The following NEK1 variants were observed in gnomAD, a reference collection of about 807,000 sequenced individuals.
The protein encoded by NEK1 is serine/threonine-protein kinase Nek1.
In NEK1, 137 loss-of-function variants were observed where a neutral mutation model predicts 182.1. The observed-to-expected ratio is 0.75, with a 90% CI of 0.65 to 0.87. NEK1 has a LOEUF of 0.87. Ranked by LOEUF, NEK1 falls within the 40% of genes least tolerant of loss-of-function variation. NEK1 has a pLI of 0.00. For missense variants in NEK1, 1,391 were observed against 1,494.4 expected (o/e 0.93, Z 1.14); for synonymous variants, 513 against 492.2 (o/e 1.04, Z -0.56).
At position 169,576,990 on chromosome 4, in the gene NEK1, C is replaced by A; in HGVS notation, c.958G>T (p.Ala320Ser). Residue 320 changes from alanine (A) to serine (S), a missense_variant, in exon 12 of 36, where the codon GCA becomes TCA. This residue lies in a region of NEK1 where 1,216 missense variants were observed against 1,277.6 expected (regional missense o/e 0.95). Transcript: ENST00000507142. ...TTTTTATCTCCATATTTCTTATATG[C>A]TAAAGGTATTCCATATTTAGCGGCA... is the stretch of plus-strand genomic sequence containing the variant. ...KPAAKYGIPL[A>S]YKKYGDKKLH... 1 of 1,613,012 alleles carries A rather than the reference C, an allele frequency of 6.2e-7. No individual in the cohort carries two copies. Among genetic ancestry groups the A allele is most frequent in the Non-Finnish European group, 8.5e-7 (1 of 1,179,328 alleles).
intron 28 of NEK1, among the ~76,000 whole-genome samples, 200 bp downstream of exon 28, chr4:169,437,883 G>T (rs1738718553): frequency 6.6e-6 from 1 of 151,950 alleles, no homozygotes; most frequent in Non-Finnish European, 1.5e-5. Flanking sequence ...TGAAACGGTT[G>T]GTGTTTCAAC....
intron 32 of NEK1, 104 bp downstream of exon 32, chr4:169,406,492 G>T (rs1428990014): frequency 4.1e-6 from 3 of 723,686 alleles, no homozygotes; most frequent in Non-Finnish European, 6.4e-6. Context: ...CATAAAAGCA[G>T]AGGTTAATGA....
intron 23 of NEK1, among the ~76,000 whole-genome samples, chr4:169,488,411 C>T (rs1369374137): frequency 6.6e-6 from 1 of 152,162 alleles, no homozygotes; most frequent in Non-Finnish European, 1.5e-5. Flanking sequence ...GTTCTCCCAG[C>T]ACCATTTATT....
In NEK1 at chr4:169,508,327, TA is replaced by T. The variant is rs1561318897; in HGVS notation, c.1753del (p.Tyr585IlefsTer5). 1 of 1,570,300 alleles carries T rather than the reference TA, an allele frequency of 6.4e-7. No homozygotes were observed. Among genetic ancestry groups the T allele is most frequent in the Admixed American group, 1.9e-5 (1 of 52,456 alleles). On this transcript the variant is annotated frameshift_variant, in exon 21 of 36. Coordinates refer to ENST00000507142, the MANE Select transcript of NEK1 (RefSeq NM_001199397.3). LOFTEE classifies it high-confidence loss of function. ...GKPRNKEEEV[Y>X]LARLRQIRLQ... ...TCTTATTTGCCTCAGTCTTGCCAGA[TA>T]AACCTACAAGGAGGCAAAAACCCCA... is the stretch of plus-strand genomic sequence containing the variant.
chr4:169,449,892 G>C (rs1170455954), intron 27 of NEK1, among the ~76,000 whole-genome samples: 1 of 152,186 alleles, frequency 6.6e-6, no homozygotes, highest in Non-Finnish European at 1.5e-5. Context: ...AGCTGAAGGA[G>C]GATGTTTGAA....
chr4:169,550,874 A>G (rs939148306), intron 18 of NEK1, among the ~76,000 whole-genome samples: 1 of 152,200 alleles, frequency 6.6e-6, no homozygotes, highest in Non-Finnish European at 1.5e-5. Flanking sequence ...GAATGACCCC[A>G]GGTTCATGAA....
rs1762002303 is a variant in NEK1 at position 169,555,259 on chromosome 4, A to G, written c.1562+461T>C. 1.7e-5 allele frequency: 3 copies of G among 176,708 alleles called. No individual in the cohort carries two copies. In the East Asian group the frequency reaches 4.9e-4, roughly 29 times the overall value. 10.9% of individuals were successfully genotyped at this position (176,708 alleles called of 1,614,324 possible). A position where few individuals can be genotyped will look rare whatever the true frequency, so the allele number is the denominator to read the frequency against. On this transcript the variant is annotated intron_variant, in intron 18 of 35. Transcript: ENST00000507142. ...GAAAAGAAATAATATGATGAACAGG[A>G]TCACAAAGAGTTATAAATCAGAGAT...
chr4:169,580,624 C>T (rs999865520), intron 11 of NEK1, among the ~76,000 whole-genome samples: 1 of 151,314 alleles, frequency 6.6e-6, no homozygotes. Context: ...AGATTTCAAG[C>T]CAGATTTCAT....
intron 18 of NEK1, among the ~76,000 whole-genome samples, chr4:169,550,740 C>A (rs768426827): frequency 4.6e-5 from 7 of 152,128 alleles, no homozygotes; most frequent in Admixed American, 6.6e-5. Context: ...GAATTCATGG[C>A]CAATAGTGGC....
At chr4:169,575,917 A>T (rs1362367963) in intron 12 of NEK1, among the ~76,000 whole-genome samples, 1 of 151,912 alleles carries the variant, frequency 6.6e-6, no homozygotes, top group African/African-American at 2.4e-5. Flanking sequence ...TTTAAAAAAA[A>T]AATTTTTTTA....
At chr4:169,599,069 G>A in intron 5 of NEK1, 31 bp downstream of exon 5, 1 of 1,530,708 alleles carries the variant, frequency 6.5e-7, no homozygotes, top group Non-Finnish European at 9.0e-7. Context: ...CAATAATAGA[G>A]TAAGAGTCAA....
At chr4:169,441,630 C>T (rs1407767417) in intron 27 of NEK1, among the ~76,000 whole-genome samples, 2 of 152,246 alleles carry the variant, frequency 1.3e-5, no homozygotes, top group East Asian at 3.8e-4. Flanking sequence ...TGCCCTGCTA[C>T]TGCCTTGGCA....
chr4:169,576,057 C>T (rs952815768), intron 12 of NEK1, among the ~76,000 whole-genome samples: 4 of 151,906 alleles, frequency 2.6e-5, no homozygotes, highest in African/African-American at 9.7e-5. Context: ...CTCCGCCTCC[C>T]CGGTTCAAGT....
chr4:169,503,307 A>C (rs1752708708), intron 23 of NEK1, among the ~76,000 whole-genome samples: 1 of 152,176 alleles, frequency 6.6e-6, no homozygotes, highest in Non-Finnish European at 1.5e-5. Context: ...TGCCTGAAGT[A>C]ATCTACAGAA....
intron 29 of NEK1, among the ~76,000 whole-genome samples, chr4:169,430,757 G>T (rs975433001): frequency 3.9e-5 from 6 of 151,920 alleles, no homozygotes; most frequent in Non-Finnish European, 8.8e-5. Flanking sequence ...TAAGTTAATA[G>T]TAATGTGTCA....
chr4:169,456,909 T>C (rs1440433188), intron 27 of NEK1, among the ~76,000 whole-genome samples: 1 of 152,154 alleles, frequency 6.6e-6, no homozygotes, highest in African/African-American at 2.4e-5. Flanking sequence ...GTCAGTTTCA[T>C]GTATGGAACT....
rs181692407 is a variant in NEK1, at chr4:169,462,778, T to C, written c.2587+465A>G. On this transcript the variant is annotated intron_variant, in intron 27 of 35. Coordinates refer to ENST00000507142, the MANE Select transcript of NEK1 (RefSeq NM_001199397.3). ...ATACATAGCCACTCTTCTTGATGCA[T>C]AGCTGTAATACCAAAGGCCACAAAA... Among the ~76,000 whole-genome samples, 17 of 152,264 alleles carry C rather than the reference T, an allele frequency of 1.1e-4. No homozygotes were observed. The East Asian group carries it at 3.3e-3, about 29-fold the overall frequency.
At chr4:169,430,633 G>C (rs954705850) in intron 29 of NEK1, among the ~76,000 whole-genome samples, 16 of 152,194 alleles carry the variant, frequency 1.1e-4, no homozygotes, top group African/African-American at 3.4e-4. Context: ...GTGAAGCACA[G>C]AGGATTGTAC....
At chr4:169,500,779 TAAAAG>T (rs1052130554) in intron 23 of NEK1, among the ~76,000 whole-genome samples, 32 of 151,990 alleles carry the variant, frequency 2.1e-4, no homozygotes, top group African/African-American at 7.5e-4. Flanking sequence ...AACATGAAAA[TAAAAG>T]AATGATACTT....
Sources: allele counts gnomAD v4.1 joint callset (sites outside exome capture counted in the v4.1 genomes callset), GRCh38; gene constraint gnomAD v4.1.1; regional missense constraint gnomAD v4.1.1; transcripts MANE v1.5; gene names NCBI Gene and HGNC (gene_info 2026-07-23, HGNC 2026-07-21).